The following ZBBX variants were observed in gnomAD, a reference collection of about 807,000 sequenced individuals.
ZBBX encodes zinc finger B-box domain containing, also known as zinc finger B-box domain-containing protein 1.
In ZBBX, 101 loss-of-function variants were observed where a neutral mutation model predicts 108.5. The observed-to-expected ratio is 0.93, with a 90% confidence interval of 0.79 to 1.10. The LOEUF is 1.10. ZBBX is among the 50% of genes least tolerant of loss of function. The pLI is 0.00. For synonymous variants in ZBBX, 356 were observed against 323.4 expected (o/e 1.10, Z -1.08); for missense variants, 1,009 against 941.4 (o/e 1.07, Z -0.94).
At chr3:167,208,420 G>T in the ZBBX span, among the ~76,000 whole-genome samples, 31 of 152,304 alleles carry the variant, frequency 2.0e-4, no homozygotes, top group South Asian at 6.4e-3. Flanking sequence ...CTCTCCTTGA[G>T]GAGAAGAGAG....
chr3:167,377,264 C>A (rs1747108899), intron 2 of ZBBX, among the ~76,000 whole-genome samples: 2 of 152,136 alleles, frequency 1.3e-5, no homozygotes, highest in South Asian at 4.1e-4. Flanking sequence ...AAGGAACGTA[C>A]AATGCTCTAT....
chr3:167,243,748 CTTTTTT>C (rs148483655), intron 20 of ZBBX, among the ~76,000 whole-genome samples: 1 of 70,872 alleles, frequency 1.4e-5, no homozygotes, highest in Non-Finnish European at 2.5e-5. Context: ...GTGGACTTGA[CTTTTTT>C]TTTTTTTTTT....
At chr3:167,182,595 C>CA in the ZBBX span, among the ~76,000 whole-genome samples, 1 of 152,158 alleles carries the variant, frequency 6.6e-6, no homozygotes, top group East Asian at 1.9e-4. Flanking sequence ...GCCCAGTCAC[C>CA]AACCCCCAAA....
At chr3:167,320,663 G>A (rs1576990782) in intron 12 of ZBBX, among the ~76,000 whole-genome samples, 2 of 151,976 alleles carry the variant, frequency 1.3e-5, no homozygotes, top group South Asian at 4.1e-4. Flanking sequence ...TTACAGTGGA[G>A]AAACTTAGCA....
intron 12 of ZBBX, among the ~76,000 whole-genome samples, chr3:167,319,787 T>C (rs376017753): frequency 6.6e-6 from 1 of 152,126 alleles, no homozygotes; most frequent in East Asian, 1.9e-4. Flanking sequence ...TACATACATA[T>C]ATATTTTAGG....
At chr3:167,253,671 G>A (rs550724690) in intron 20 of ZBBX, among the ~76,000 whole-genome samples, 8 of 152,184 alleles carry the variant, frequency 5.3e-5, no homozygotes, top group African/African-American at 9.6e-5. Flanking sequence ...TAAGAGTGAA[G>A]AGAATTTCAG....
intron 1 of ZBBX, among the ~76,000 whole-genome samples, chr3:167,395,208 T>C (rs539040621): frequency 3.3e-5 from 5 of 152,082 alleles, no homozygotes; most frequent in African/African-American, 9.7e-5. Flanking sequence ...TAGATCAAAC[T>C]AGATGGGTGT....
intron 20 of ZBBX, among the ~76,000 whole-genome samples, chr3:167,275,453 A>G (rs1267263387): frequency 6.6e-6 from 1 of 152,206 alleles, no homozygotes; most frequent in East Asian, 1.9e-4. Context: ...AGGGCGAGGC[A>G]TTGCCTCACT....
At chr3:167,241,482 T>A (rs538499497) in intron 21 of ZBBX, among the ~76,000 whole-genome samples, 3 of 152,198 alleles carry the variant, frequency 2.0e-5, no homozygotes, top group Non-Finnish European at 4.4e-5. Context: ...TCATTTGTTT[T>A]ATGAATGATG....
chr3:167,385,321 A>C (rs2108634434), intron 1 of ZBBX, among the ~76,000 whole-genome samples: 1 of 152,166 alleles, frequency 6.6e-6, no homozygotes, highest in South Asian at 2.1e-4. Context: ...ATGTAAACAC[A>C]GAAAAAGGAC....
intron 20 of ZBBX, among the ~76,000 whole-genome samples, chr3:167,272,053 G>C (rs150906723): frequency 1.3e-5 from 2 of 152,178 alleles, no homozygotes; most frequent in South Asian, 2.1e-4. Flanking sequence ...TCATCAGGGA[G>C]AGTAGAAAGG....
At chr3:167,355,757 T>C (rs1743466429) in intron 8 of ZBBX, among the ~76,000 whole-genome samples, 1 of 152,058 alleles carries the variant, frequency 6.6e-6, no homozygotes, top group South Asian at 2.1e-4. Context: ...TTTTATTATG[T>C]TTTGACAACT....
At chr3:167,229,919 A>G in the ZBBX span, among the ~76,000 whole-genome samples, 1 of 151,878 alleles carries the variant, frequency 6.6e-6, no homozygotes, top group Admixed American at 6.6e-5. Context: ...CCCTAAGTTC[A>G]GTTCAAGCAA....
intron 4 of ZBBX, among the ~76,000 whole-genome samples, chr3:167,369,568 A>G (rs1157314119): frequency 6.6e-6 from 1 of 152,236 alleles, no homozygotes; most frequent in Non-Finnish European, 1.5e-5. Context: ...TATCTACTCC[A>G]CAATGAGTAA....
chr3:167,358,421 T>C (rs1743950275), intron 8 of ZBBX, among the ~76,000 whole-genome samples: 1 of 152,010 alleles, frequency 6.6e-6, no homozygotes, highest in Non-Finnish European at 1.5e-5. Context: ...GAGTTTCAGT[T>C]TTGCAAGATG....
the ZBBX span, among the ~76,000 whole-genome samples, chr3:167,186,738 G>C: frequency 6.6e-6 from 1 of 152,120 alleles, no homozygotes; most frequent in Non-Finnish European, 1.5e-5. Context: ...AAAATGAGCA[G>C]AGAAGTTTAA....
chr3:167,335,172 C>T lies in ZBBX; in HGVS notation c.529-1187G>A, dbSNP rs555685728. Among the ~76,000 whole-genome samples the T allele has an allele frequency of 5.3e-5, 8 of 151,890 alleles. No homozygotes were observed. In the South Asian group the frequency reaches 8.3e-4, roughly 16 times the overall value. ...CATTTCCTCATATCACATAAGCTCA[C>T]AAAAGGAAAAAACATATATATTTTA... On this transcript the variant is annotated intron_variant, in intron 9 of 21. Transcript: ENST00000675490.
At chr3:167,288,559 A>C (rs1257495612) in intron 19 of ZBBX, among the ~76,000 whole-genome samples, 1 of 152,206 alleles carries the variant, frequency 6.6e-6, no homozygotes, top group African/African-American at 2.4e-5. Context: ...TGAGTAATGA[A>C]ACCATGTATT....
At chr3:167,226,085 A>G in the ZBBX span, among the ~76,000 whole-genome samples, 1 of 150,728 alleles carries the variant, frequency 6.6e-6, no homozygotes, top group African/African-American at 2.4e-5. Context: ...CTGTGATTAA[A>G]AAAAAAAAAA....
Sources: allele counts gnomAD v4.1 joint callset (sites outside exome capture counted in the v4.1 genomes callset), GRCh38; gene constraint gnomAD v4.1.1; transcripts MANE v1.5; gene names NCBI Gene and HGNC (gene_info 2026-07-23, HGNC 2026-07-21).